The following MGAT4A variants were observed in gnomAD, a reference collection of about 807,000 sequenced individuals.
MGAT4A encodes N-acetylglucosaminyltransferase IVa.
Under a neutral mutation model 74.1 loss-of-function variants are expected in MGAT4A, and 33 were observed. The observed-to-expected ratio is 0.45, with a 90% confidence interval of 0.34 to 0.60. The LOEUF is 0.60. Among genes scored for constraint, MGAT4A ranks in the 20% least tolerant of loss-of-function variants. The pLI, the probability that MGAT4A is intolerant of heterozygous loss-of-function variation, is 0.02. For synonymous variants in MGAT4A, 198 were observed against 210.4 expected (o/e 0.94, Z 0.51); for missense variants, 479 against 628.3 (o/e 0.76, Z 2.54).
Position 98,658,238 on chromosome 2 carries a change from A to G in MGAT4A, c.564T>C (p.Val188=). The G allele has an allele frequency of 6.3e-7, 1 of 1,576,352 alleles. No homozygotes were observed. The highest frequency in any genetic ancestry group is 8.7e-7 in the Non-Finnish European group (1 of 1,155,918). ...CTTACTCTTTCTCCAGGTTGGCTAC[A>G]ACACCATGTACATAATCAATATCTG... The part of the protein sequence containing the change: ...GETDIDYVHG[V]VANLEKEFSK... Residue 188 remains valine (V), a synonymous_variant, in exon 6 of 16, where the codon GTT becomes GTC. Transcript: ENST00000393487.
chr2:98,644,102 A>C (rs1456868842), intron 9 of MGAT4A, 49 bp from the exon 10 acceptor site: 1 of 1,500,790 alleles, frequency 6.7e-7, no homozygotes, highest in Non-Finnish European at 9.0e-7. Context: ...ACCAAGCACC[A>C]AAATGGCTTA....
At chr2:98,635,363 T>C (rs974222828) in intron 13 of MGAT4A, 75 bp from the exon 14 acceptor site, 128 of 1,073,110 alleles carry the variant, frequency 1.2e-4, no homozygotes, top group Non-Finnish European at 1.5e-4. Context: ...TATCTTAATA[T>C]AGATGAAGTG....
At chr2:98,667,119 C>CG (rs57778834) in intron 4 of MGAT4A, among the ~76,000 whole-genome samples, 122,555 of 151,910 alleles carry the variant, frequency 0.81, 50,221 homozygotes, top group African/African-American at 0.95. Context: ...CTGCCATCCA[C>CG]ATAAGATGTG....
intron 13 of MGAT4A, 34 bp downstream of exon 13, chr2:98,636,483 G>A: frequency 6.6e-7 from 1 of 1,512,622 alleles, no homozygotes; most frequent in Non-Finnish European, 9.2e-7. Flanking sequence ...AGTATTAGTT[G>A]TTAGGGAAAG....
At chr2:98,726,694 C>T (rs972661215) in intron 1 of MGAT4A, 127 bp from the exon 2 acceptor site, 1 of 228,440 alleles carries the variant, frequency 4.4e-6, no homozygotes, top group Non-Finnish European at 8.4e-6. Context: ...ATTATCCCTA[C>T]ATCGAAACTA....
intron 2 of MGAT4A, among the ~76,000 whole-genome samples, chr2:98,697,999 C>T (rs987208731): frequency 1.3e-5 from 2 of 152,084 alleles, no homozygotes; most frequent in African/African-American, 4.8e-5. Context: ...TGTTTATAAA[C>T]CTAATAAAAT....
chr2:98,619,162 CTTCT>C lies in MGAT4A; in HGVS notation c.*6400_*6403del, dbSNP rs1701008699. Reference sequence around the variant, plus strand: ...CTTGAATTCAACATGGCTTTTTAAACTTCTTTATTTCAAATACACATGAACGGTC... The same window carrying C: ...CTTGAATTCAACATGGCTTTTTAAACTTATTTCAAATACACATGAACGGTC... On this transcript the variant is annotated 3_prime_UTR_variant, in exon 16 of 16. Coordinates refer to ENST00000393487, the MANE Select transcript of MGAT4A (RefSeq NM_012214.3). 6.6e-6 allele frequency: 1 copy of C among 152,402 alleles called. No individual in the cohort carries two copies. Among genetic ancestry groups the C allele is most frequent in the Admixed American group, 6.6e-5 (1 of 15,248 alleles). The allele number at this position is 152,402 out of a possible 1,614,324, so 9.4% of individuals were successfully genotyped here. A position where few individuals can be genotyped will look rare whatever the true frequency, so the allele number is the denominator to read the frequency against.
At chr2:98,664,298 A>G (rs527492474) in intron 4 of MGAT4A, among the ~76,000 whole-genome samples, 2 of 151,238 alleles carry the variant, frequency 1.3e-5, no homozygotes, top group Admixed American at 6.6e-5. Context: ...TGTTCCTATA[A>G]TGCTTGTTTT....
chr2:98,716,356 G>A (rs577030172), intron 2 of MGAT4A, among the ~76,000 whole-genome samples: 5 of 152,070 alleles, frequency 3.3e-5, no homozygotes, highest in African/African-American at 7.3e-5. Context: ...GGTGGCTCAC[G>A]CCTGTAATCC....
rs531372778 is a variant in MGAT4A at position 98,650,482 on chromosome 2, TAA to T, written c.775-4942_775-4941del. Among the ~76,000 whole-genome samples, 31 of 152,164 alleles carry T rather than the reference TAA, an allele frequency of 2.0e-4. 1 individual carries two copies. The East Asian group carries it at 3.9e-3, about 19-fold the overall frequency. On this transcript the variant is annotated intron_variant, in intron 8 of 15. Coordinates refer to ENST00000393487, the MANE Select transcript of MGAT4A (RefSeq NM_012214.3). ...AAGTCACAAAGAATCCTGAAAGCCA[TAA>T]GAGGAAAGTGACCCAACAAATACAA...
intron 2 of MGAT4A, among the ~76,000 whole-genome samples, chr2:98,699,023 G>T (rs928937173): frequency 6.6e-6 from 1 of 152,178 alleles, no homozygotes; most frequent in Non-Finnish European, 1.5e-5. Flanking sequence ...CCCAGGTTCA[G>T]TGATTCACTT....
intron 14 of MGAT4A, among the ~76,000 whole-genome samples, 197 bp from the exon 15 acceptor site, chr2:98,626,032 A>C (rs1257399613): frequency 6.6e-6 from 1 of 152,196 alleles, no homozygotes; most frequent in Admixed American, 6.5e-5. Context: ...ATATTTAAAA[A>C]CTTCACAATT....
chr2:98,707,947 G>A (rs897377795), intron 2 of MGAT4A, among the ~76,000 whole-genome samples: 8 of 152,086 alleles, frequency 5.3e-5, no homozygotes, highest in African/African-American at 1.9e-4. Context: ...AACAGGACTC[G>A]CTTTTAGAAA....
chr2:98,701,888 T>C (rs1702360475), intron 2 of MGAT4A, among the ~76,000 whole-genome samples: 1 of 152,064 alleles, frequency 6.6e-6, no homozygotes, highest in African/African-American at 2.4e-5. Context: ...GCTCAAAGAG[T>C]CCCAGGTGTG....
chr2:98,712,940 T>C lies in MGAT4A; in HGVS notation c.94+13299A>G, dbSNP rs573897314. 5.3e-5 allele frequency among the ~76,000 whole-genome samples: 8 copies of C among 152,238 alleles called. No individual in the cohort carries two copies. The East Asian group carries it at 1.2e-3, about 22-fold the overall frequency. Reference sequence around the variant, plus strand: ...ACTTTAGCAAGCTGAGGTGGGAGGATTGCTTGAGCTCAGGAGTTTGAGAGC... The same window carrying C: ...ACTTTAGCAAGCTGAGGTGGGAGGACTGCTTGAGCTCAGGAGTTTGAGAGC... On this transcript the variant is annotated intron_variant, in intron 2 of 15. Transcript: ENST00000393487.
chr2:98,678,620 A>G (rs1227531883), intron 2 of MGAT4A, 149 bp from the exon 3 acceptor site: 7 of 428,196 alleles, frequency 1.6e-5, no homozygotes, highest in Non-Finnish European at 2.8e-5. Context: ...AAGGGTTCTG[A>G]CTTGTTATAT....
At chr2:98,655,742 A>C in intron 7 of MGAT4A, 30 of 404,550 alleles carry the variant, frequency 7.4e-5, no homozygotes, top group East Asian at 1.3e-4. Flanking sequence ...ACTAATTCTC[A>C]AGCTGTCCTG....
chr2:98,627,405 T>G (rs1255109758), intron 14 of MGAT4A, among the ~76,000 whole-genome samples: 1 of 152,066 alleles, frequency 6.6e-6, no homozygotes, highest in African/African-American at 2.4e-5. Context: ...AGATAGAGTC[T>G]CACTCTGTCA....
At chr2:98,679,279 G>C (rs1040671829) in intron 2 of MGAT4A, among the ~76,000 whole-genome samples, 1 of 151,972 alleles carries the variant, frequency 6.6e-6, no homozygotes, top group Non-Finnish European at 1.5e-5. Context: ...GGTGGTGGGC[G>C]CCTGTAGTCC....
Sources: allele counts gnomAD v4.1 joint callset (sites outside exome capture counted in the v4.1 genomes callset), GRCh38; gene constraint gnomAD v4.1.1; transcripts MANE v1.5; gene names NCBI Gene and HGNC (gene_info 2026-07-23, HGNC 2026-07-21).